GABRG3: variants seen among roughly 807,000 people sequenced by gnomAD.
The protein encoded by GABRG3 is gamma-aminobutyric acid type A receptor subunit gamma3.
Under a neutral mutation model 48.8 loss-of-function variants are expected in GABRG3, and 25 were observed. The observed-to-expected ratio is 0.51, with a 90% CI of 0.37 to 0.72. The LOEUF (loss-of-function observed/expected upper bound fraction) is 0.72, where lower values mean the gene tolerates loss of function less well. GABRG3 is among the 30% of genes least tolerant of loss of function. The pLI is 0.00. For missense variants in GABRG3, 394 were observed against 577.9 expected (o/e 0.68, Z 3.26); for synonymous variants, 227 against 217.6 (o/e 1.04, Z -0.38).
At chr15:27,360,044 A>G (rs980815750) in intron 5 of GABRG3, among the ~76,000 whole-genome samples, 1 of 152,194 alleles carries the variant, frequency 6.6e-6, no homozygotes, top group African/African-American at 2.4e-5. Context: ...TCCAAGAGTC[A>G]GAAGGGAGCA....
At chr15:27,300,008 C>T (rs190584020) in intron 3 of GABRG3, among the ~76,000 whole-genome samples, 50 of 152,230 alleles carry the variant, frequency 3.3e-4, no homozygotes, top group Admixed American at 6.5e-4. Flanking sequence ...ACTTTGAGAG[C>T]TAACATTGAT....
chr15:27,099,725 C>A, intron 3 of GABRG3, among the ~76,000 whole-genome samples: 1 of 151,058 alleles, frequency 6.6e-6, no homozygotes, highest in African/African-American at 2.4e-5. Context: ...AAAAAAAATC[C>A]CATAAAATGT....
intron 2 of GABRG3, among the ~76,000 whole-genome samples, chr15:27,006,088 C>G (rs896839659): frequency 2.0e-5 from 3 of 152,018 alleles, no homozygotes; most frequent in African/African-American, 7.3e-5. Flanking sequence ...CTCATCTGGA[C>G]CAGTGTTTGT....
chr15:27,371,963 T>C (rs887240781), intron 5 of GABRG3, among the ~76,000 whole-genome samples: 7 of 152,174 alleles, frequency 4.6e-5, no homozygotes, highest in Non-Finnish European at 1.0e-4. Flanking sequence ...CAACAAGAAA[T>C]AGTCCTAGTA....
chr15:27,000,779 G>A (rs577918680), intron 2 of GABRG3, among the ~76,000 whole-genome samples: 2 of 152,244 alleles, frequency 1.3e-5, no homozygotes, highest in East Asian at 3.9e-4. Context: ...CTGCAGAACC[G>A]TTAAACCATT....
At chr15:27,182,215 G>A (rs1218075076) in intron 3 of GABRG3, among the ~76,000 whole-genome samples, 2 of 152,084 alleles carry the variant, frequency 1.3e-5, no homozygotes, top group Non-Finnish European at 2.9e-5. Flanking sequence ...CTGACCTTTA[G>A]GCCACATGTT....
chr15:27,484,566 G>A (rs376696572), intron 6 of GABRG3, among the ~76,000 whole-genome samples: 1 of 152,172 alleles, frequency 6.6e-6, no homozygotes, highest in African/African-American at 2.4e-5. Flanking sequence ...CACTGCAGGA[G>A]CAATAAGTAC....
At chr15:27,163,713 T>G (rs779451213) in intron 3 of GABRG3, among the ~76,000 whole-genome samples, 1 of 152,136 alleles carries the variant, frequency 6.6e-6, no homozygotes. Flanking sequence ...TCTCTCTAAT[T>G]CTCCAGCCTG....
chr15:27,384,564 T>C (rs1895867948), intron 5 of GABRG3, among the ~76,000 whole-genome samples: 2 of 152,200 alleles, frequency 1.3e-5, no homozygotes, highest in African/African-American at 4.8e-5. Context: ...GTTTAATTCA[T>C]GTTCTAGATA....
Position 27,132,399 on chromosome 15 carries a change from A to G in GABRG3, c.270+105578A>G, listed in dbSNP as rs566648677. ...ATTTATTGAAGAGAATTCTCCTGTG[A>G]AGCCATCTGTTCCTGGGCTTTTTCT... On this transcript the variant is annotated intron_variant, in intron 3 of 9. Transcript: ENST00000615808. Among the ~76,000 whole-genome samples the G allele has an allele frequency of 5.4e-5, 8 of 148,872 alleles. No homozygotes were observed. In the South Asian group the frequency reaches 1.7e-3, roughly 32 times the overall value.
chr15:26,992,678 CT>C (rs961856314), intron 2 of GABRG3, among the ~76,000 whole-genome samples: 61 of 151,666 alleles, frequency 4.0e-4, no homozygotes, highest in African/African-American at 1.2e-3. Context: ...CTGTAGTTTT[CT>C]TTTTTTTGAT....
chr15:27,307,083 TATATAAACATATA>T (rs1403463254), intron 3 of GABRG3, among the ~76,000 whole-genome samples: 2 of 128,046 alleles, frequency 1.6e-5, no homozygotes, highest in African/African-American at 3.3e-5. Context: ...AACATGTTTA[TATATAAACATATA>T]ATATAAACAT....
chr15:27,434,086 CA>C (rs1390339500), intron 5 of GABRG3, among the ~76,000 whole-genome samples: 1 of 152,164 alleles, frequency 6.6e-6, no homozygotes, highest in East Asian at 1.9e-4. Context: ...ATTTTTATAG[CA>C]AATTTCATGC....
At chr15:27,522,097 G>A (rs185909217) in intron 7 of GABRG3, among the ~76,000 whole-genome samples, 151 of 152,032 alleles carry the variant, frequency 9.9e-4, no homozygotes, top group African/African-American at 3.5e-3. Context: ...CAAAAATAAA[G>A]AGAATACTTG....
intron 2 of GABRG3, among the ~76,000 whole-genome samples, chr15:27,003,932 G>T (rs1441348893): frequency 6.7e-6 from 1 of 149,288 alleles, no homozygotes; most frequent in Non-Finnish European, 1.5e-5. Flanking sequence ...GGGCGGCCGG[G>T]CAGAGGCGCC....
At chr15:27,033,672 GC>G (rs1168401193) in intron 3 of GABRG3, among the ~76,000 whole-genome samples, 5 of 151,964 alleles carry the variant, frequency 3.3e-5, no homozygotes, top group Admixed American at 6.6e-5. Flanking sequence ...AAAGCATGTG[GC>G]CCTTTTCAGT....
intron 3 of GABRG3, among the ~76,000 whole-genome samples, chr15:27,156,824 A>G (rs1898441336): frequency 6.6e-6 from 1 of 152,188 alleles, no homozygotes; most frequent in African/African-American, 2.4e-5. Flanking sequence ...GAACTTACAG[A>G]TAGAATTCGA....
chr15:27,323,772 C>G (rs1010162398), intron 3 of GABRG3, among the ~76,000 whole-genome samples: 1 of 152,170 alleles, frequency 6.6e-6, no homozygotes, highest in African/African-American at 2.4e-5. Context: ...CCCCAGAACC[C>G]TTTCCCTCCT....
At chr15:27,257,400 T>G (rs1183564790) in intron 3 of GABRG3, among the ~76,000 whole-genome samples, 2 of 152,174 alleles carry the variant, frequency 1.3e-5, no homozygotes, top group Non-Finnish European at 2.9e-5. Flanking sequence ...ATTTTTCTGG[T>G]TTTGCCTTTA....
Sources: gnomAD v4.1 joint callset for allele counts (sites outside exome capture counted in the v4.1 genomes callset) on GRCh38, gnomAD v4.1.1 for gene constraint, MANE v1.5 for transcripts, NCBI Gene and HGNC (gene_info 2026-07-23, HGNC 2026-07-21) for gene names.